CERS6: variants seen among roughly 807,000 people sequenced by gnomAD.
CERS6 encodes ceramide synthase 6, also known as LAG1 homolog, ceramide synthase 6.
In CERS6, 26 loss-of-function variants were observed where a neutral mutation model predicts 56.8. The ratio of observed to expected loss-of-function variants is 0.46; its 90% CI spans 0.34 to 0.63. CERS6 has a LOEUF of 0.63. Among genes scored for constraint, CERS6 ranks in the 30% least tolerant of loss-of-function variants. CERS6 has a pLI of 0.01. For synonymous variants in CERS6, 164 were observed against 173.3 expected, an observed-to-expected ratio of 0.95 and a Z score of 0.42; for missense variants, 415 against 467.5, an observed-to-expected ratio of 0.89 and a Z score of 1.04.
intron 4 of CERS6, among the ~76,000 whole-genome samples, chr2:168,632,759 A>T (rs1285449309): frequency 6.6e-6 from 1 of 152,130 alleles, no homozygotes; most frequent in Admixed American, 6.5e-5. Context: ...GATGTGGAGG[A>T]GGTGTGCTTC....
chr2:168,748,912 C>A (rs1013316473), intron 8 of CERS6, among the ~76,000 whole-genome samples: 1 of 151,960 alleles, frequency 6.6e-6, no homozygotes, highest in Non-Finnish European at 1.5e-5. Flanking sequence ...CCTGCAGTGC[C>A]CCAGGGAAGC....
At chr2:168,691,957 G>A (rs1686514419) in intron 5 of CERS6, among the ~76,000 whole-genome samples, 1 of 152,174 alleles carries the variant, frequency 6.6e-6, no homozygotes, top group African/African-American at 2.4e-5. Flanking sequence ...GGCGTGCACA[G>A]TCCTATGGGG....
At chr2:168,767,816 A>T (rs1460254454) in intron 9 of CERS6, among the ~76,000 whole-genome samples, 1 of 151,954 alleles carries the variant, frequency 6.6e-6, no homozygotes, top group Non-Finnish European at 1.5e-5. Context: ...ATTCTGCCAT[A>T]CCTCCCAGGA....
At chr2:168,644,038 A>G in intron 4 of CERS6, 2 of 955,300 alleles carry the variant, frequency 2.1e-6, no homozygotes. Flanking sequence ...TTAAGAACTG[A>G]TATAGCATAA....
chr2:168,561,127 C>T, intron 2 of CERS6, 65 bp from the exon 3 acceptor site: 1 of 1,543,002 alleles, frequency 6.5e-7, no homozygotes, highest in South Asian at 1.1e-5. Context: ...TAGACAAGGG[C>T]AGATCTGTTT....
In CERS6 at chr2:168,696,799, T is replaced by C. The variant is rs116163473; in HGVS notation, c.609+1748T>C. Among the ~76,000 whole-genome samples, 232 of 152,286 alleles carry C rather than the reference T, an allele frequency of 1.5e-3. 2 individuals carry two copies. The highest frequency in any genetic ancestry group is 5.3e-3 in the African/African-American group (220 of 41,550). ...GCCCCATGTCCTAATACTATCACTT[T>C]GGGGGTTAGAGTTTCAATATATATA... On this transcript the variant is annotated intron_variant, in intron 6 of 9. Transcript: ENST00000305747.
At chr2:168,744,404 A>T in intron 8 of CERS6, among the ~76,000 whole-genome samples, 2 of 151,938 alleles carry the variant, frequency 1.3e-5, no homozygotes, top group Non-Finnish European at 2.9e-5. Context: ...TGCTACGAAC[A>T]CACTGCCCCC....
intron 4 of CERS6, among the ~76,000 whole-genome samples, chr2:168,643,857 A>G (rs1419959828): frequency 6.6e-6 from 1 of 152,132 alleles, no homozygotes; most frequent in Non-Finnish European, 1.5e-5. Context: ...CCAGAATCAC[A>G]TCTGCAGTTT....
intron 3 of CERS6, among the ~76,000 whole-genome samples, chr2:168,571,515 T>C (rs905996838): frequency 1.3e-5 from 2 of 152,042 alleles, no homozygotes; most frequent in African/African-American, 4.8e-5. Context: ...ATTTCTCAAG[T>C]TGGAATGATT....
chr2:168,690,996 T>A (rs1176365638), intron 4 of CERS6, 38 bp from the exon 5 acceptor site: 1 of 1,583,360 alleles, frequency 6.3e-7, no homozygotes. Context: ...TTATCCATGT[T>A]CTAAAATATG....
chr2:168,585,793 G>C (rs1049391401), intron 3 of CERS6, among the ~76,000 whole-genome samples: 1 of 152,172 alleles, frequency 6.6e-6, no homozygotes, highest in Non-Finnish European at 1.5e-5. Context: ...CAGAAAAATA[G>C]GTGGGCTGGT....
At chr2:168,561,371 C>T (rs369637753) in intron 3 of CERS6, 49 bp downstream of exon 3, 2 of 1,608,828 alleles carry the variant, frequency 1.2e-6, no homozygotes, top group African/African-American at 1.3e-5. Flanking sequence ...GTACTCATGC[C>T]AACCCTGAGG....
chr2:168,548,347 C>T (rs1051446383), intron 2 of CERS6, among the ~76,000 whole-genome samples: 4 of 152,096 alleles, frequency 2.6e-5, no homozygotes, highest in East Asian at 1.9e-4. Context: ...GAAGAGACCA[C>T]GTCTCCTGCC....
At chr2:168,596,136 A>G (rs960426198) in intron 3 of CERS6, among the ~76,000 whole-genome samples, 3 of 152,114 alleles carry the variant, frequency 2.0e-5, no homozygotes, top group South Asian at 2.1e-4. Flanking sequence ...CCAAAATTCA[A>G]TATTTGTTTG....
intron 3 of CERS6, among the ~76,000 whole-genome samples, chr2:168,569,122 A>C (rs552564382): frequency 6.6e-6 from 1 of 152,270 alleles, no homozygotes; most frequent in East Asian, 1.9e-4. Context: ...ATAGTTCTGG[A>C]GGCTAAAAGT....
At chr2:168,723,374 T>C (rs1395953315) in intron 8 of CERS6, among the ~76,000 whole-genome samples, 1 of 152,198 alleles carries the variant, frequency 6.6e-6, no homozygotes, top group Non-Finnish European at 1.5e-5. Flanking sequence ...TGGAACGATA[T>C]ACAGTGTCTA....
chr2:168,618,289 A>G (rs1342470275), intron 3 of CERS6, among the ~76,000 whole-genome samples: 1 of 152,190 alleles, frequency 6.6e-6, no homozygotes, highest in East Asian at 1.9e-4. Flanking sequence ...TGAATGGGGA[A>G]AAGTTGAAAG....
At chr2:168,461,572 C>G (rs930823739) in intron 1 of CERS6, among the ~76,000 whole-genome samples, 1 of 150,992 alleles carries the variant, frequency 6.6e-6, no homozygotes, top group African/African-American at 2.4e-5. Flanking sequence ...GGTTGGCATT[C>G]TTTGCAGAAC....
intron 1 of CERS6, among the ~76,000 whole-genome samples, chr2:168,504,883 G>A (rs994969585): frequency 5.9e-5 from 9 of 152,166 alleles, no homozygotes; most frequent in Non-Finnish European, 1.2e-4. Context: ...GGGTCTAAAT[G>A]TATGGTAATA....
Sources: gnomAD v4.1 joint callset for allele counts (sites outside exome capture counted in the v4.1 genomes callset) on GRCh38, gnomAD v4.1.1 for gene constraint, MANE v1.5 for transcripts, NCBI Gene and HGNC (gene_info 2026-07-23, HGNC 2026-07-21) for gene names.